Variants in CNTN5 observed in about 807,000 individuals in gnomAD.
CNTN5 encodes contactin 5.
A neutral mutation model predicts 129.1 loss-of-function variants in CNTN5; 77 were observed. That is an observed-to-expected ratio of 0.60 (90% CI 0.50 to 0.72). The LOEUF is 0.72. CNTN5 is among the 30% of genes least tolerant of loss of function. CNTN5 has a pLI of 0.00. For missense variants in CNTN5, 1,478 were observed against 1,328.8 expected (o/e 1.11, Z -1.75); for synonymous variants, 509 against 465.6 (o/e 1.09, Z -1.20).
At chr11:99,886,090 GAATT>G (rs1192399587) in intron 6 of CNTN5, among the ~76,000 whole-genome samples, 2 of 151,930 alleles carry the variant, frequency 1.3e-5, no homozygotes, top group Non-Finnish European at 2.9e-5. Context: ...ATAACTTTGA[GAATT>G]AAATGTAAAA....
intron 1 of CNTN5, among the ~76,000 whole-genome samples, chr11:99,075,759 T>C (rs898612005): frequency 1.3e-5 from 2 of 152,222 alleles, no homozygotes; most frequent in South Asian, 2.1e-4. Context: ...AAGTTTATGA[T>C]GATAGTAGTA....
chr11:100,208,055 T>C (rs1948951435), intron 15 of CNTN5, among the ~76,000 whole-genome samples: 1 of 152,204 alleles, frequency 6.6e-6, no homozygotes, highest in Non-Finnish European at 1.5e-5. Context: ...CATTGAGATT[T>C]AAATATTTTT....
At chr11:99,161,515 C>T (rs1426183706) in intron 1 of CNTN5, among the ~76,000 whole-genome samples, 1 of 151,878 alleles carries the variant, frequency 6.6e-6, no homozygotes, top group East Asian at 1.9e-4. Flanking sequence ...CTTTGAGCTC[C>T]CAAAACCAAT....
In CNTN5 at chr11:99,373,670, G is replaced by A. The variant is rs185547518; in HGVS notation, c.-71+48186G>A. On this transcript the variant is annotated intron_variant, in intron 2 of 24. Coordinates refer to ENST00000524871, the MANE Select transcript of CNTN5 (RefSeq NM_014361.4). ...GGAGGTTGTAGTGAGCTGAGATAGC[G>A]CCACTGCATTCCAGCCTGGGAAACG... is the stretch of plus-strand genomic sequence containing the variant. 4.5e-3 allele frequency among the ~76,000 whole-genome samples: 595 copies of A among 133,224 alleles called. 3 individuals are homozygous for A. Among genetic ancestry groups the A allele is most frequent in the Admixed American group, 8.0e-3 (90 of 11,194 alleles). The allele number at this position is 133,224 out of a possible 152,430, so 87.4% of individuals were successfully genotyped here. A position where few individuals can be genotyped will look rare whatever the true frequency, so the allele number is the denominator to read the frequency against.
At chr11:99,883,100 A>G (rs572165545) in intron 6 of CNTN5, among the ~76,000 whole-genome samples, 1 of 152,162 alleles carries the variant, frequency 6.6e-6, no homozygotes, top group Non-Finnish European at 1.5e-5. Context: ...TATAAGTACC[A>G]CATTTTCTTC....
chr11:99,962,831 C>T (rs1394295787), intron 8 of CNTN5, among the ~76,000 whole-genome samples: 1 of 151,580 alleles, frequency 6.6e-6, no homozygotes, highest in Non-Finnish European at 1.5e-5. Context: ...TGTTTCCTGA[C>T]TTTTTAATGA....
At chr11:99,123,061 C>T (rs1858433882) in intron 1 of CNTN5, among the ~76,000 whole-genome samples, 1 of 152,034 alleles carries the variant, frequency 6.6e-6, no homozygotes, top group African/African-American at 2.4e-5. Flanking sequence ...GTATATACCC[C>T]AAAATGGGAT....
chr11:99,141,440 A>G (rs1859509092), intron 1 of CNTN5, among the ~76,000 whole-genome samples: 1 of 152,036 alleles, frequency 6.6e-6, no homozygotes, highest in Non-Finnish European at 1.5e-5. Context: ...TGGTCTATCA[A>G]TCTTATTCAT....
intron 13 of CNTN5, among the ~76,000 whole-genome samples, chr11:100,189,062 A>G (rs537972100): frequency 6.6e-6 from 1 of 152,126 alleles, no homozygotes; most frequent in African/African-American, 2.4e-5. Context: ...AACAATAAAA[A>G]CTGAAGACTA....
chr11:99,471,977 T>C (rs1945194709), intron 2 of CNTN5, among the ~76,000 whole-genome samples: 1 of 152,154 alleles, frequency 6.6e-6, no homozygotes, highest in Non-Finnish European at 1.5e-5. Flanking sequence ...CCAAGATACA[T>C]ATTTTATGTA....
At chr11:99,452,390 T>TGGGG (rs1213633274) in intron 2 of CNTN5, among the ~76,000 whole-genome samples, 3 of 139,846 alleles carry the variant, frequency 2.1e-5, no homozygotes, top group African/African-American at 7.7e-5. Context: ...TTTTTTTTTT[T>TGGGG]GGGACGGAGT....
At chr11:99,608,263 T>C (rs1950490060) in intron 3 of CNTN5, among the ~76,000 whole-genome samples, 1 of 152,146 alleles carries the variant, frequency 6.6e-6, no homozygotes, top group Non-Finnish European at 1.5e-5. Flanking sequence ...GGAAGTCCTT[T>C]TAGTTACTGG....
chr11:99,779,989 T>C (rs1018289805), intron 3 of CNTN5, among the ~76,000 whole-genome samples: 1 of 151,984 alleles, frequency 6.6e-6, no homozygotes, highest in African/African-American at 2.4e-5. Context: ...AAATTGTCCA[T>C]AGTTTCTTGA....
At chr11:100,313,660 C>A (rs1397470483) in intron 21 of CNTN5, among the ~76,000 whole-genome samples, 1 of 151,784 alleles carries the variant, frequency 6.6e-6, no homozygotes, top group African/African-American at 2.4e-5. Context: ...GTATTTAAAT[C>A]CATGCTACCA....
chr11:99,448,142 A>G (rs1451363914), intron 2 of CNTN5, among the ~76,000 whole-genome samples: 1 of 152,186 alleles, frequency 6.6e-6, no homozygotes, highest in Non-Finnish European at 1.5e-5. Context: ...TAAATGTGTT[A>G]CAGAAACACT....
chr11:99,938,707 T>C (rs1372288928), intron 7 of CNTN5, among the ~76,000 whole-genome samples: 1 of 152,124 alleles, frequency 6.6e-6, no homozygotes, highest in African/African-American at 2.4e-5. Flanking sequence ...AAATGCTTGC[T>C]TGCTAGACAC....
chr11:99,654,577 A>G (rs1339386157), intron 3 of CNTN5, among the ~76,000 whole-genome samples: 1 of 152,124 alleles, frequency 6.6e-6, no homozygotes, highest in Non-Finnish European at 1.5e-5. Context: ...ATCTACATCT[A>G]CTGGTGAAGT....
chr11:99,783,110 C>T (rs1475640151), intron 3 of CNTN5, among the ~76,000 whole-genome samples: 1 of 98,240 alleles, frequency 1.0e-5, no homozygotes. Context: ...CTACAATGAA[C>T]TCAAACAAAT....
intron 7 of CNTN5, among the ~76,000 whole-genome samples, chr11:99,943,454 T>C (rs1950487153): frequency 1.3e-5 from 2 of 152,122 alleles, no homozygotes; most frequent in African/African-American, 4.8e-5. Context: ...GATGGATAGA[T>C]TGCAAAAATT....
Sources: allele counts gnomAD v4.1 joint callset (sites outside exome capture counted in the v4.1 genomes callset), GRCh38; gene constraint gnomAD v4.1.1; transcripts MANE v1.5; gene names NCBI Gene and HGNC (gene_info 2026-07-23, HGNC 2026-07-21).